The following DPYSL2 variants were observed in gnomAD, a reference collection of about 807,000 sequenced individuals.
The protein encoded by DPYSL2 is dihydropyrimidinase like 2.
Under a neutral mutation model 69.9 loss-of-function variants are expected in DPYSL2, and 13 were observed. The observed-to-expected ratio is 0.19, with a 90% CI of 0.12 to 0.30. The LOEUF is 0.30. Ranked by LOEUF, DPYSL2 falls within the 10% of genes least tolerant of loss-of-function variation. The probability of loss-of-function intolerance (pLI) is 1.00; values close to 1 mark genes in which losing one functional copy is unlikely to be tolerated. For synonymous variants in DPYSL2, 326 were observed against 359.1 expected, an observed-to-expected ratio of 0.91 and a Z score of 1.04; for missense variants, 587 against 918.9, an observed-to-expected ratio of 0.64 and a Z score of 4.67.
rs1803219523 is a variant in DPYSL2, at chr8:26,648,564, G to T, written c.1596+764G>T. Reference sequence around the variant, plus strand: ...CTGCCGATTCCTCACAAGCAACATGGTATAGGCAGAAAAACTGAAGGAATA... The same window carrying T: ...CTGCCGATTCCTCACAAGCAACATGTTATAGGCAGAAAAACTGAAGGAATA... On this transcript the variant is annotated intron_variant, in intron 11 of 13. Coordinates refer to ENST00000521913, the MANE Select transcript of DPYSL2 (RefSeq NM_001197293.3). This position sits in a 1 kb window ranked among gnomAD's most constrained non-coding sequence, Gnocchi z 4.3. Among the ~76,000 whole-genome samples the T allele has an allele frequency of 6.6e-6, 1 of 152,206 alleles. No homozygotes were observed. Among genetic ancestry groups the T allele is most frequent in the Non-Finnish European group, 1.5e-5 (1 of 68,040 alleles).
At chr8:26,530,306 G>A (rs1228030874) in intron 1 of DPYSL2, among the ~76,000 whole-genome samples, 1 of 152,162 alleles carries the variant, frequency 6.6e-6, no homozygotes. Flanking sequence ...GTGACGCTGA[G>A]CACTGTAGTC....
In DPYSL2 at chr8:26,562,039, C is replaced by T. The variant is rs570179381; in HGVS notation, c.355-19930C>T. Among the ~76,000 whole-genome samples, 1 of 152,292 alleles carries T rather than the reference C, an allele frequency of 6.6e-6. No homozygotes were observed. The highest frequency in any genetic ancestry group is 2.4e-5 in the African/African-American group (1 of 41,564). On this transcript the variant is annotated intron_variant, in intron 1 of 13. Transcript: ENST00000521913. The surrounding 1 kb of genome is among the most constrained non-coding windows in gnomAD (Gnocchi z 4.9). ...AGTTTTATTTACATACCACCATTCACCTTGATTCAATCCCCCAATCTAGAG... is the reference window on the plus strand; with the variant it reads ...AGTTTTATTTACATACCACCATTCATCTTGATTCAATCCCCCAATCTAGAG...
At position 26,654,104 on chromosome 8, in the gene DPYSL2, T is replaced by C. The variant is rs966481392; in HGVS notation, c.1942+707T>C. On this transcript the variant is annotated intron_variant, in intron 13 of 13. Coordinates refer to ENST00000521913, the MANE Select transcript of DPYSL2 (RefSeq NM_001197293.3). The surrounding 1 kb of genome is among the most constrained non-coding windows in gnomAD (Gnocchi z 5.0). ...CAACAGCCTAACTTCAGGGCTCAGC[T>C]CTGGCTGTGCTTCAGTCTCCTCACC... 2.6e-5 allele frequency among the ~76,000 whole-genome samples: 4 copies of C among 152,230 alleles called. No individual in the cohort carries two copies. The highest frequency in any genetic ancestry group is 9.6e-5 in the African/African-American group (4 of 41,456).
At chr8:26,568,242 G>C (rs1801183462) in intron 1 of DPYSL2, among the ~76,000 whole-genome samples, 1 of 152,190 alleles carries the variant, frequency 6.6e-6, no homozygotes, top group South Asian at 2.1e-4. Context: ...TGGGGGTGGA[G>C]AGCCCCCAGC....
chr8:26,606,957 C>CT (rs2046804947), intron 3 of DPYSL2, among the ~76,000 whole-genome samples: 1 of 152,148 alleles, frequency 6.6e-6, no homozygotes, highest in Non-Finnish European at 1.5e-5. Context: ...TGGCATGGCC[C>CT]TTTCTGGAGG....
chr8:26,638,091 A>G (rs184142067), intron 8 of DPYSL2: 1 of 152,328 alleles, frequency 6.6e-6, no homozygotes, highest in Admixed American at 6.5e-5. Context: ...TCCTCTGTGA[A>G]TGGAGAGATT....
intron 7 of DPYSL2, among the ~76,000 whole-genome samples, chr8:26,629,886 C>T (rs932823087): frequency 5.3e-5 from 8 of 152,290 alleles, no homozygotes; most frequent in Admixed American, 6.5e-5. Flanking sequence ...CGTGAGCCAC[C>T]GCGCCCGGCC....
In DPYSL2 at chr8:26,543,951, A is replaced by G. The variant is rs140967999; in HGVS notation, c.354+29272A>G. ...TGAGCCCTGTACCCAGCCTGAAAGT[A>G]TCTTTTAAATAGGAACATTCTAGCC... On this transcript the variant is annotated intron_variant, in intron 1 of 13. Coordinates refer to ENST00000521913, the MANE Select transcript of DPYSL2 (RefSeq NM_001197293.3). Among the ~76,000 whole-genome samples the G allele has an allele frequency of 9.2e-5, 14 of 152,344 alleles. No homozygotes were observed. The East Asian group carries it at 2.7e-3, about 29-fold the overall frequency.
chr8:26,529,833 G>T (rs1360183343), intron 1 of DPYSL2, among the ~76,000 whole-genome samples: 1 of 150,602 alleles, frequency 6.6e-6, no homozygotes, highest in Non-Finnish European at 1.5e-5. Flanking sequence ...AACTGGGGCC[G>T]GGCACGGTGG....
intron 1 of DPYSL2, among the ~76,000 whole-genome samples, chr8:26,568,130 T>C (rs1000926026): frequency 2.6e-5 from 4 of 152,190 alleles, no homozygotes; most frequent in East Asian, 3.9e-4. Flanking sequence ...ATGATTTCCT[T>C]ATCTGCTTGA....
Position 26,641,731 on chromosome 8 carries a change from G to C in DPYSL2, c.1127-1708G>C, listed in dbSNP as rs1163924364. Among the ~76,000 whole-genome samples the C allele has an allele frequency of 6.6e-6, 1 of 152,232 alleles. No homozygotes were observed. ...TTCCTTGGGGCTTCCTTCTGGAGGA[G>C]GTTTCCCTGGGTTTGGAGTCCTCCC... is the stretch of plus-strand genomic sequence containing the variant. On this transcript the variant is annotated intron_variant, in intron 8 of 13. Transcript: ENST00000521913. The surrounding 1 kb of genome is among the most constrained non-coding windows in gnomAD (Gnocchi z 4.1).
rs568689940 is a variant in DPYSL2 at position 26,527,095 on chromosome 8, G to T, written c.354+12416G>T. On this transcript the variant is annotated intron_variant, in intron 1 of 13. Coordinates refer to ENST00000521913, the MANE Select transcript of DPYSL2 (RefSeq NM_001197293.3). Reference sequence around the variant, plus strand: ...ATTCAGATTTTATTAAATATGACTGGGGAGTGGGCTAGTTTTGTCTTGGTC... The same window carrying T: ...ATTCAGATTTTATTAAATATGACTGTGGAGTGGGCTAGTTTTGTCTTGGTC... 5.3e-5 allele frequency among the ~76,000 whole-genome samples: 8 copies of T among 152,300 alleles called. No individual in the cohort carries two copies. In the South Asian group the frequency reaches 1.5e-3, roughly 28 times the overall value.
chr8:26,652,200 G>A lies in DPYSL2; in HGVS notation c.1597-57G>A. The stretch of plus-strand genomic sequence containing the variant: ...GGGTTGGGGCAGTGGGTGCTGCCGG[G>A]TGGATTGAGTCCAGCCAGAGTGGCC... On this transcript the variant is annotated intron_variant, in intron 11 of 13. Coordinates refer to ENST00000521913, the MANE Select transcript of DPYSL2 (RefSeq NM_001197293.3). The surrounding 1 kb of genome is among the most constrained non-coding windows in gnomAD (Gnocchi z 6.3). The A allele has an allele frequency of 2.0e-6, 3 of 1,527,048 alleles. No homozygotes were observed. Among genetic ancestry groups the A allele is most frequent in the East Asian group, 2.3e-5 (1 of 43,330 alleles). The allele number at this position is 1,527,048 out of a possible 1,614,324, so 94.6% of individuals were successfully genotyped here.
In DPYSL2 at chr8:26,653,403, G is replaced by A. The variant is rs768436620; in HGVS notation, c.1942+6G>A. The A allele has an allele frequency of 3.7e-6, 6 of 1,611,516 alleles. No individual in the cohort carries two copies. In the East Asian group the frequency reaches 8.9e-5, roughly 24 times the overall value. ...GTCTGGATTCAGTTTGTCTGGTAGG[G>A]TTGGGGCTTGGGGAGGGCACAGTTC... is the stretch of plus-strand genomic sequence containing the variant. On this transcript the variant is annotated splice_donor_region_variant and intron_variant, in intron 13 of 13. Transcript: ENST00000521913. This position sits in a 1 kb window ranked among gnomAD's most constrained non-coding sequence, Gnocchi z 5.7.
intron 1 of DPYSL2, among the ~76,000 whole-genome samples, chr8:26,553,085 A>G (rs1056554749): frequency 3.9e-5 from 6 of 152,202 alleles, no homozygotes; most frequent in Non-Finnish European, 5.9e-5. Context: ...GAAATTCACA[A>G]TCTACCTAAA....
chr8:26,535,011 A>G lies in DPYSL2; in HGVS notation c.354+20332A>G, dbSNP rs143972333. The stretch of plus-strand genomic sequence containing the variant: ...TTAAATTAGGGTTAGAACAGTGTCT[A>G]CATCATTATGTGTCTTAGTCCAAGC... On this transcript the variant is annotated intron_variant, in intron 1 of 13. Coordinates refer to ENST00000521913, the MANE Select transcript of DPYSL2 (RefSeq NM_001197293.3). Among the ~76,000 whole-genome samples the G allele has an allele frequency of 4.8e-3, 734 of 152,310 alleles. 7 individuals are homozygous for G. Among genetic ancestry groups the G allele is most frequent in the African/African-American group, 0.017 (697 of 41,562 alleles).
intron 1 of DPYSL2, among the ~76,000 whole-genome samples, chr8:26,550,879 C>A (rs565445695): frequency 6.6e-6 from 1 of 152,098 alleles, no homozygotes; most frequent in Admixed American, 6.6e-5. Flanking sequence ...AGTCCCAGAG[C>A]GCAAGAGCTG....
chr8:26,608,808 G>T (rs1287627096), intron 3 of DPYSL2, among the ~76,000 whole-genome samples: 1 of 152,210 alleles, frequency 6.6e-6, no homozygotes. Flanking sequence ...TTCAGTCCAG[G>T]TTCCTAGGAG....
rs1802452781 is a variant in DPYSL2, at chr8:26,620,343, G to A, written c.629-3800G>A. On this transcript the variant is annotated intron_variant, in intron 3 of 13. Coordinates refer to ENST00000521913, the MANE Select transcript of DPYSL2 (RefSeq NM_001197293.3). The surrounding 1 kb of genome is among the most constrained non-coding windows in gnomAD (Gnocchi z 4.5). ...GCAATCTCAGCTCACTGCAACCTCCGCCTCCTGGGTTCAAGTGATTCTCCT... is the reference window on the plus strand; with the variant it reads ...GCAATCTCAGCTCACTGCAACCTCCACCTCCTGGGTTCAAGTGATTCTCCT... 6.6e-6 allele frequency among the ~76,000 whole-genome samples: 1 copy of A among 151,836 alleles called. No individual in the cohort carries two copies.
Sources: allele counts gnomAD v4.1 joint callset (sites outside exome capture counted in the v4.1 genomes callset), GRCh38; gene constraint gnomAD v4.1.1; non-coding constraint Gnocchi (gnomAD v3.1); transcripts MANE v1.5; gene names NCBI Gene and HGNC (gene_info 2026-07-23, HGNC 2026-07-21).